SPIDR: variants seen among roughly 807,000 people sequenced by gnomAD.
SPIDR encodes scaffold protein involved in DNA repair, also known as DNA repair-scaffolding protein.
A neutral mutation model predicts 104.6 loss-of-function variants in SPIDR; 93 were observed. The observed-to-expected ratio is 0.89, with a 90% confidence interval of 0.75 to 1.06. The LOEUF (loss-of-function observed/expected upper bound fraction) is 1.06, where lower values mean the gene tolerates loss of function less well. Ranked by LOEUF, SPIDR falls within the 50% of genes least tolerant of loss-of-function variation. SPIDR has a pLI of 0.00. For missense variants in SPIDR, 1,154 were observed against 1,111.2 expected, an observed-to-expected ratio of 1.04 and a Z score of -0.55; for synonymous variants, 431 against 416.9, an observed-to-expected ratio of 1.03 and a Z score of -0.41.
intron 5 of SPIDR, among the ~76,000 whole-genome samples, chr8:47,313,333 A>G (rs1554586929): frequency 6.6e-6 from 1 of 152,196 alleles, no homozygotes; most frequent in Admixed American, 6.5e-5. Context: ...AGAATAAAAT[A>G]CCTAGGAATC....
intron 5 of SPIDR, among the ~76,000 whole-genome samples, chr8:47,381,839 T>C (rs1202732550): frequency 2.0e-5 from 3 of 152,282 alleles, no homozygotes; most frequent in Non-Finnish European, 4.4e-5. Flanking sequence ...CTTTTGTTTT[T>C]GCATGAAATA....
chr8:47,511,176 G>T, intron 8 of SPIDR: 1 of 1,560,910 alleles, frequency 6.4e-7, no homozygotes, highest in East Asian at 2.2e-5. Flanking sequence ...CCACAATGAA[G>T]AGTTGGATGT....
chr8:47,460,999 A>G (rs6996090), intron 8 of SPIDR, among the ~76,000 whole-genome samples: 1,759 of 152,282 alleles, frequency 0.012, 38 homozygotes, highest in African/African-American at 0.039. Context: ...AATCCCTTCT[A>G]ACTTGTAGGG....
At chr8:47,625,750 A>G (rs1345133970) in intron 10 of SPIDR, among the ~76,000 whole-genome samples, 1 of 152,128 alleles carries the variant, frequency 6.6e-6, no homozygotes, top group African/African-American at 2.4e-5. Context: ...ATACAAACAA[A>G]TGGAAGAACA....
chr8:47,314,458 T>G (rs1586803235), intron 5 of SPIDR, among the ~76,000 whole-genome samples: 1 of 152,152 alleles, frequency 6.6e-6, no homozygotes, highest in African/African-American at 2.4e-5. Flanking sequence ...ATTGACCCAG[T>G]TCAGCATGGC....
chr8:47,488,031 C>T (rs952328389), intron 8 of SPIDR, among the ~76,000 whole-genome samples: 3 of 151,698 alleles, frequency 2.0e-5, no homozygotes. Flanking sequence ...AAGACAGAGA[C>T]ACAAAAAACC....
intron 5 of SPIDR, among the ~76,000 whole-genome samples, chr8:47,324,944 T>C (rs1554599476): frequency 6.6e-6 from 1 of 152,176 alleles, no homozygotes; most frequent in East Asian, 1.9e-4. Flanking sequence ...GCAAGGTGGC[T>C]GTGTCTTGAC....
chr8:47,483,929 A>G (rs1554728916), intron 8 of SPIDR, among the ~76,000 whole-genome samples: 1 of 152,142 alleles, frequency 6.6e-6, no homozygotes, highest in Non-Finnish European at 1.5e-5. Context: ...CTCTCAAAAG[A>G]GAATTTTGAT....
At chr8:47,700,519 A>G (rs2080016180) in intron 12 of SPIDR, 29 bp downstream of exon 12, 1 of 1,611,144 alleles carries the variant, frequency 6.2e-7, no homozygotes, top group Non-Finnish European at 8.5e-7. Context: ...AAACTTCCCC[A>G]GTCACAGACT....
At chr8:47,616,691 C>T (rs1008773340) in intron 10 of SPIDR, among the ~76,000 whole-genome samples, 5 of 152,162 alleles carry the variant, frequency 3.3e-5, no homozygotes, top group South Asian at 2.1e-4. Context: ...GAAAAGTTTG[C>T]GAAGATAATA....
intron 16 of SPIDR, 151 bp from the exon 17 acceptor site, chr8:47,727,048 GA>G: frequency 1.7e-6 from 1 of 598,312 alleles, no homozygotes; most frequent in Non-Finnish European, 3.0e-6. Flanking sequence ...ACAATAAGTG[GA>G]AATTATAAAA....
intron 8 of SPIDR, among the ~76,000 whole-genome samples, chr8:47,512,295 A>G (rs1479813651): frequency 2.0e-5 from 3 of 151,850 alleles, no homozygotes; most frequent in African/African-American, 4.8e-5. Flanking sequence ...CTGAAACCCA[A>G]ACTCTTGTGT....
At chr8:47,340,958 C>T (rs1554613568) in intron 5 of SPIDR, among the ~76,000 whole-genome samples, 1 of 152,130 alleles carries the variant, frequency 6.6e-6, no homozygotes, top group Non-Finnish European at 1.5e-5. Flanking sequence ...TATAGTTAAA[C>T]TAGTTGTAAG....
At chr8:47,463,360 CA>C (rs1256249571) in intron 8 of SPIDR, among the ~76,000 whole-genome samples, 194 of 125,464 alleles carry the variant, frequency 1.5e-3, no homozygotes, top group South Asian at 2.8e-3. Flanking sequence ...GACTCCGTCT[CA>C]AAAAAAAAAA....
intron 7 of SPIDR, among the ~76,000 whole-genome samples, chr8:47,420,651 G>A (rs1452935786): frequency 1.3e-5 from 2 of 152,078 alleles, no homozygotes; most frequent in African/African-American, 2.4e-5. Flanking sequence ...ATTTGATCCC[G>A]TCATTATGAT....
rs1414344527 is a variant in SPIDR, at chr8:47,598,926, C to T, written c.1294-20C>T. ...AACTTTGTGAGTCTTGAAACTGTTC[C>T]CTTTATGTGTCTTGGCCAGGTTGTG... On this transcript the variant is annotated intron_variant, in intron 9 of 19. Coordinates refer to ENST00000297423, the MANE Select transcript of SPIDR (RefSeq NM_001080394.4). 1 of 1,612,406 alleles carries T rather than the reference C, an allele frequency of 6.2e-7. No homozygotes were observed. Among genetic ancestry groups the T allele is most frequent in the Non-Finnish European group, 8.5e-7 (1 of 1,178,866 alleles).
At chr8:47,527,507 A>G (rs1047592632) in intron 8 of SPIDR, 14 of 152,246 alleles carry the variant, frequency 9.2e-5, no homozygotes, top group African/African-American at 3.4e-4. Context: ...AGCATCTCAG[A>G]CCTTATTTAA....
chr8:47,270,365 T>C (rs2035043227), intron 1 of SPIDR, among the ~76,000 whole-genome samples: 1 of 152,200 alleles, frequency 6.6e-6, no homozygotes, highest in Admixed American at 6.5e-5. Flanking sequence ...CTAGTTTGTC[T>C]TTCTCGGAAT....
At chr8:47,649,102 G>A (rs553788783) in intron 10 of SPIDR, among the ~76,000 whole-genome samples, 52 of 152,002 alleles carry the variant, frequency 3.4e-4, no homozygotes, top group African/African-American at 1.1e-3. Flanking sequence ...ATTAGAAGCC[G>A]GCCCAGGATG....
Sources: allele counts gnomAD v4.1 joint callset (sites outside exome capture counted in the v4.1 genomes callset), GRCh38; gene constraint gnomAD v4.1.1; transcripts MANE v1.5; gene names NCBI Gene and HGNC (gene_info 2026-07-23, HGNC 2026-07-21).